MEIS1: variants seen among roughly 807,000 people sequenced by gnomAD.
MEIS1 encodes homeobox protein Meis1.
A neutral mutation model predicts 50.8 loss-of-function variants in MEIS1; 5 were observed. The ratio of observed to expected loss-of-function variants is 0.10; its 90% confidence interval spans 0.05 to 0.21. MEIS1 has a LOEUF of 0.21. Among genes scored for constraint, MEIS1 ranks in the 10% least tolerant of loss-of-function variants. MEIS1 has a pLI of 1.00. For synonymous variants in MEIS1, 176 were observed against 179.3 expected, an observed-to-expected ratio of 0.98 and a Z score of 0.15; for missense variants, 318 against 517.3, an observed-to-expected ratio of 0.61 and a Z score of 3.74.
At chr2:66,512,945 G>A (rs1673869833) in intron 8 of MEIS1, among the ~76,000 whole-genome samples, 1 of 152,166 alleles carries the variant, frequency 6.6e-6, no homozygotes, top group African/African-American at 2.4e-5. Flanking sequence ...TGTTTTCACT[G>A]CAGGAATTCT....
At chr2:66,456,724 G>A (rs1277655102) in intron 6 of MEIS1, among the ~76,000 whole-genome samples, 1 of 152,238 alleles carries the variant, frequency 6.6e-6, no homozygotes, top group Admixed American at 6.5e-5. Flanking sequence ...ATGAGCAAAA[G>A]GAGAGTTGGT....
intron 5 of MEIS1, 49 bp downstream of exon 5, chr2:66,441,513 A>C: frequency 3.5e-6 from 5 of 1,413,426 alleles, no homozygotes; most frequent in Non-Finnish European, 3.8e-6. Context: ...ACCCCCAAAC[A>C]CACAGGGGGG....
chr2:66,477,900 A>G (rs892224583), intron 7 of MEIS1, among the ~76,000 whole-genome samples: 1 of 152,204 alleles, frequency 6.6e-6, no homozygotes, highest in African/African-American at 2.4e-5. Flanking sequence ...AGGATTAGAA[A>G]CAGTATACCG....
At chr2:66,495,469 T>A (rs1418930303) in intron 7 of MEIS1, among the ~76,000 whole-genome samples, 2 of 152,202 alleles carry the variant, frequency 1.3e-5, no homozygotes, top group African/African-American at 2.4e-5. Context: ...ATAACAGAGA[T>A]GCCTGACTTA....
intron 7 of MEIS1, among the ~76,000 whole-genome samples, chr2:66,505,796 T>A (rs1673672635): frequency 6.6e-6 from 1 of 152,242 alleles, no homozygotes; most frequent in Non-Finnish European, 1.5e-5. Context: ...ATGGTAGACA[T>A]CATAAAGAAT....
rs780328479 is a variant in MEIS1 at position 66,441,474 on chromosome 2, C to G, written c.483+10C>G. The G allele has an allele frequency of 1.3e-6, 2 of 1,540,698 alleles. No homozygotes were observed. The highest frequency in any genetic ancestry group is 1.7e-6 in the Non-Finnish European group (2 of 1,143,010). ...ATTGGAATTAGAGAAGGTAATTTCT[C>G]TAGCCTCTTTTCCTTTTACTTACCC... On this transcript the variant is annotated intron_variant, in intron 5 of 12. Coordinates refer to ENST00000272369, the MANE Select transcript of MEIS1 (RefSeq NM_002398.3).
chr2:66,455,762 CT>C (rs1420203655), intron 6 of MEIS1, among the ~76,000 whole-genome samples: 1 of 152,158 alleles, frequency 6.6e-6, no homozygotes, highest in Non-Finnish European at 1.5e-5. Context: ...TGGGCAAAAT[CT>C]TTAAGGGATA....
chr2:66,549,402 G>GT (rs1395277841), intron 9 of MEIS1, among the ~76,000 whole-genome samples: 1 of 151,746 alleles, frequency 6.6e-6, no homozygotes, highest in African/African-American at 2.4e-5. Context: ...GGCTGCTGAG[G>GT]TTTTTTGTTT....
rs759158471 is a variant in MEIS1, at chr2:66,437,757, C to T, written c.33C>T (p.Tyr11=). The T allele has an allele frequency of 9.9e-6, 16 of 1,613,698 alleles. No individual in the cohort carries two copies. The highest frequency in any genetic ancestry group is 2.7e-5 in the African/African-American group (2 of 74,864). The stretch of plus-strand genomic sequence containing the variant: ...TGCAGTACGACGATCTACCCCATTA[C>T]GGGGGCATGGATGGAGTAGGCATCC... MAQRYDDLPH[Y]GGMDGVGIPS... The change falls in exon 2 of 13, where the codon TAC becomes TAT. Residue 11 remains tyrosine (Y), a synonymous_variant. Coordinates refer to ENST00000272369, the MANE Select transcript of MEIS1 (RefSeq NM_002398.3).
intron 7 of MEIS1, among the ~76,000 whole-genome samples, chr2:66,510,949 C>A (rs1673814047): frequency 6.6e-6 from 1 of 152,060 alleles, no homozygotes; most frequent in Non-Finnish European, 1.5e-5. Flanking sequence ...GTTTCAGGTT[C>A]TTTGGGTCGT....
At chr2:66,530,196 C>A (rs75186692) in intron 8 of MEIS1, among the ~76,000 whole-genome samples, 519 of 122,006 alleles carry the variant, frequency 4.3e-3, no homozygotes, top group Middle Eastern at 7.9e-3. Context: ...GTAGGCAAAG[C>A]AAAAAAAAAA....
chr2:66,468,855 G>C (rs763779422), intron 7 of MEIS1, among the ~76,000 whole-genome samples: 1 of 152,158 alleles, frequency 6.6e-6, no homozygotes, highest in Non-Finnish European at 1.5e-5. Flanking sequence ...TAAGTAGAAT[G>C]ATGAATGAAG....
chr2:66,541,123 T>C (rs915563939), intron 8 of MEIS1, among the ~76,000 whole-genome samples: 4 of 151,960 alleles, frequency 2.6e-5, no homozygotes, highest in Non-Finnish European at 4.4e-5. Flanking sequence ...TTGCAAGCTC[T>C]GCCTCCCGGG....
chr2:66,445,705 C>T (rs1336840766), intron 6 of MEIS1, among the ~76,000 whole-genome samples: 1 of 152,130 alleles, frequency 6.6e-6, no homozygotes, highest in Non-Finnish European at 1.5e-5. Context: ...AAGACTGCCA[C>T]CCGCGCGGGG....
At chr2:66,532,442 G>T (rs1674416694) in intron 8 of MEIS1, among the ~76,000 whole-genome samples, 1 of 151,796 alleles carries the variant, frequency 6.6e-6, no homozygotes, top group African/African-American at 2.4e-5. Flanking sequence ...ACAATCACAA[G>T]GCCCTCTGAC....
rs146018526 is a variant in MEIS1, at chr2:66,506,808, A to G, written c.743-5341A>G. Among the ~76,000 whole-genome samples the G allele has an allele frequency of 4.0e-4, 61 of 152,294 alleles. 1 individual carries two copies. The highest frequency in any genetic ancestry group is 2.1e-4 in the Non-Finnish European group (14 of 68,030). On this transcript the variant is annotated intron_variant, in intron 7 of 12. Transcript: ENST00000272369. Reference sequence around the variant, plus strand: ...CATTATCCCACCTGAATTCTGGCTAACTAGACTTAACCATGACCTGGAGAA... The same window carrying G: ...CATTATCCCACCTGAATTCTGGCTAGCTAGACTTAACCATGACCTGGAGAA...
intron 7 of MEIS1, among the ~76,000 whole-genome samples, chr2:66,464,717 G>A (rs1672594524): frequency 6.6e-6 from 1 of 152,104 alleles, no homozygotes; most frequent in Non-Finnish European, 1.5e-5. Context: ...AATCTCCTAA[G>A]TGCTTGACTT....
At chr2:66,473,400 AT>A (rs1672816127) in intron 7 of MEIS1, among the ~76,000 whole-genome samples, 7 of 127,138 alleles carry the variant, frequency 5.5e-5, no homozygotes, top group South Asian at 5.4e-4. Context: ...AAAAAAAAAT[AT>A]ATATATATAT....
chr2:66,563,953 T>A (rs570740645), intron 9 of MEIS1, among the ~76,000 whole-genome samples: 2 of 152,146 alleles, frequency 1.3e-5, no homozygotes, highest in African/African-American at 4.8e-5. Context: ...AAATAAAATA[T>A]TTTGCTATTT....
Sources: allele counts gnomAD v4.1 joint callset (sites outside exome capture counted in the v4.1 genomes callset), GRCh38; gene constraint gnomAD v4.1.1; transcripts MANE v1.5; gene names NCBI Gene and HGNC (gene_info 2026-07-23, HGNC 2026-07-21).